PLPP4: variants seen among roughly 807,000 people sequenced by gnomAD.
PLPP4 encodes diacylglycerol pyrophosphate like 2.
Under a neutral mutation model 32.2 loss-of-function variants are expected in PLPP4, and 20 were observed. That is an observed-to-expected ratio of 0.62 (90% CI 0.44 to 0.90). The LOEUF is 0.90. PLPP4 is among the 40% of genes least tolerant of loss of function. The probability of loss-of-function intolerance (pLI) is 0.00; values close to 1 mark genes in which losing one functional copy is unlikely to be tolerated. For synonymous variants in PLPP4, 127 were observed against 133.0 expected (o/e 0.95, Z 0.31); for missense variants, 257 against 353.1 (o/e 0.73, Z 2.18).
At chr10:120,560,087 A>C (rs1050045433) in intron 5 of PLPP4, among the ~76,000 whole-genome samples, 2 of 152,210 alleles carry the variant, frequency 1.3e-5, no homozygotes, top group South Asian at 4.1e-4. Flanking sequence ...CCACAGTGAA[A>C]GTGATTTCTC....
rs368472239 is a variant in PLPP4, at chr10:120,513,862, T to C, written c.166-49T>C. On this transcript the variant is annotated intron_variant, in intron 2 of 6. Coordinates refer to ENST00000398250, the MANE Select transcript of PLPP4 (RefSeq NM_001030059.3). Reference sequence around the variant, plus strand: ...GGAACTAATTATCAATCAGCCCTTCTGATAGCAAACTGATGTCCTCATAAG... The same window carrying C: ...GGAACTAATTATCAATCAGCCCTTCCGATAGCAAACTGATGTCCTCATAAG... 3.8e-4 allele frequency: 539 copies of C among 1,423,446 alleles called. 2 individuals are homozygous for C. Among genetic ancestry groups the C allele is most frequent in the Middle Eastern group, 7.0e-4 (4 of 5,680 alleles). 88.2% of individuals were successfully genotyped at this position (1,423,446 alleles called of 1,614,324 possible).
chr10:120,523,576 C>G (rs762148750), intron 5 of PLPP4, among the ~76,000 whole-genome samples: 2 of 152,150 alleles, frequency 1.3e-5, no homozygotes, highest in Admixed American at 6.5e-5. Context: ...CAGCTCCCAT[C>G]TGCTCTCCAT....
intron 1 of PLPP4, among the ~76,000 whole-genome samples, chr10:120,493,389 T>G (rs1352209270): frequency 1.3e-5 from 2 of 152,158 alleles, no homozygotes; most frequent in Non-Finnish European, 2.9e-5. Flanking sequence ...CCTGTCTCCT[T>G]GTGTTGAGGG....
chr10:120,566,387 GT>G (rs1485155892), intron 5 of PLPP4, among the ~76,000 whole-genome samples: 1 of 152,102 alleles, frequency 6.6e-6, no homozygotes, highest in Non-Finnish European at 1.5e-5. Flanking sequence ...CCCACTTAAG[GT>G]TTTTTGGAGA....
chr10:120,457,254 G>T lies in PLPP4; in HGVS notation c.-52G>T. The T allele has an allele frequency of 2.1e-6, 3 of 1,397,112 alleles. No individual in the cohort carries two copies. The highest frequency in any genetic ancestry group is 1.6e-5 in the South Asian group (1 of 63,424). The allele number at this position is 1,397,112 out of a possible 1,614,324, so 86.5% of individuals were successfully genotyped here. A position where few individuals can be genotyped will look rare whatever the true frequency, so the allele number is the denominator to read the frequency against. ...GGCGAGCCGGCGCCGGCCGAGCTGC[G>T]GGAGCCGCGGAGAGCACCAGCTGAC... On this transcript the variant is annotated 5_prime_UTR_variant, in exon 1 of 7. Coordinates refer to ENST00000398250, the MANE Select transcript of PLPP4 (RefSeq NM_001030059.3).
At chr10:120,575,793 C>CTA (rs1274318514) in intron 6 of PLPP4, among the ~76,000 whole-genome samples, 3 of 152,238 alleles carry the variant, frequency 2.0e-5, no homozygotes, top group African/African-American at 4.8e-5. Context: ...TGAGGTTTGC[C>CTA]TATATATATA....
chr10:120,514,148 T>C (rs1845842100), intron 3 of PLPP4, 147 bp downstream of exon 3: 1 of 710,214 alleles, frequency 1.4e-6, no homozygotes, highest in Admixed American at 2.4e-5. Context: ...AGATAAACTT[T>C]AAGCCCAAAG....
chr10:120,495,436 C>T (rs933273523), intron 1 of PLPP4, among the ~76,000 whole-genome samples: 1 of 152,104 alleles, frequency 6.6e-6, no homozygotes, highest in East Asian at 1.9e-4. Context: ...ATCTGATAGG[C>T]CTCCTTCCTG....
At chr10:120,564,241 G>C (rs1761748938) in intron 5 of PLPP4, among the ~76,000 whole-genome samples, 1 of 151,588 alleles carries the variant, frequency 6.6e-6, no homozygotes, top group African/African-American at 2.4e-5. Flanking sequence ...TTGTTTAGTA[G>C]AGCTTTAAAA....
At chr10:120,537,872 C>T (rs771229890) in intron 5 of PLPP4, among the ~76,000 whole-genome samples, 6 of 151,624 alleles carry the variant, frequency 4.0e-5, no homozygotes, top group Non-Finnish European at 5.9e-5. Flanking sequence ...ATACCATGAG[C>T]GAGCACTGTT....
At chr10:120,512,290 A>C (rs915280228) in intron 2 of PLPP4, among the ~76,000 whole-genome samples, 1 of 152,158 alleles carries the variant, frequency 6.6e-6, no homozygotes, top group African/African-American at 2.4e-5. Context: ...TCTCTGTAGC[A>C]GTTCTGAATC....
chr10:120,560,811 A>G (rs11199403), intron 5 of PLPP4, among the ~76,000 whole-genome samples: 9 of 152,192 alleles, frequency 5.9e-5, no homozygotes, highest in Non-Finnish European at 1.3e-4. Flanking sequence ...AACTGAAATT[A>G]TTTTTGCACC....
rs181171980 is a variant in PLPP4 at position 120,586,555 on chromosome 10, A to C, written c.617-2748A>C. On this transcript the variant is annotated intron_variant, in intron 6 of 6. Coordinates refer to ENST00000398250, the MANE Select transcript of PLPP4 (RefSeq NM_001030059.3). Reference sequence around the variant, plus strand: ...TTAGCCACCTTGTACTTGTGGTTCCATGCTAATATGTTACTGATGAGGTCA... The same window carrying C: ...TTAGCCACCTTGTACTTGTGGTTCCCTGCTAATATGTTACTGATGAGGTCA... Among the ~76,000 whole-genome samples the C allele has an allele frequency of 2.4e-3, 369 of 152,266 alleles. 2 individuals are homozygous for C. The highest frequency in any genetic ancestry group is 7.9e-3 in the African/African-American group (329 of 41,532).
rs1010151580 is a variant in PLPP4 at position 120,496,857 on chromosome 10, G to C, written c.57-6961G>C. 4.6e-4 allele frequency among the ~76,000 whole-genome samples: 70 copies of C among 152,054 alleles called. 1 individual carries two copies. Among genetic ancestry groups the C allele is most frequent in the Non-Finnish European group, 5.9e-5 (4 of 68,028 alleles). ...ACAGAATTAACCAACAAGAGCATGGGAGTGAGAGAGAGAGAGAGAGAAAGG... is the reference window on the plus strand; with the variant it reads ...ACAGAATTAACCAACAAGAGCATGGCAGTGAGAGAGAGAGAGAGAGAAAGG... On this transcript the variant is annotated intron_variant, in intron 1 of 6. Transcript: ENST00000398250.
chr10:120,513,835 C>G, intron 2 of PLPP4, 76 bp from the exon 3 acceptor site: 2 of 1,111,916 alleles, frequency 1.8e-6, no homozygotes, highest in Non-Finnish European at 2.7e-6. Context: ...ATGAAACTAA[C>G]GGGAACTAAT....
chr10:120,466,271 A>G (rs893858892), intron 1 of PLPP4, among the ~76,000 whole-genome samples: 1 of 152,146 alleles, frequency 6.6e-6, no homozygotes, highest in African/African-American at 2.4e-5. Flanking sequence ...TGAAAAACCC[A>G]GCAGTTGCAC....
intron 1 of PLPP4, among the ~76,000 whole-genome samples, chr10:120,495,983 A>G (rs568876948): frequency 6.6e-6 from 1 of 152,074 alleles, no homozygotes; most frequent in South Asian, 2.1e-4. Context: ...AGAGAGGTCA[A>G]GTGACTTTTT....
intron 6 of PLPP4, among the ~76,000 whole-genome samples, chr10:120,578,437 G>C (rs919891834): frequency 4.6e-5 from 7 of 152,196 alleles, no homozygotes; most frequent in African/African-American, 1.7e-4. Context: ...CAAAACTCAA[G>C]TCCCCCTCAT....
chr10:120,474,732 G>A (rs1843818619), intron 1 of PLPP4, among the ~76,000 whole-genome samples: 1 of 152,160 alleles, frequency 6.6e-6, no homozygotes, highest in Non-Finnish European at 1.5e-5. Context: ...TGGCTTTAGA[G>A]ATGATGATAT....
Sources: allele counts gnomAD v4.1 joint callset (sites outside exome capture counted in the v4.1 genomes callset), GRCh38; gene constraint gnomAD v4.1.1; transcripts MANE v1.5; gene names NCBI Gene and HGNC (gene_info 2026-07-23, HGNC 2026-07-21).